Variants in CSMD1 observed in about 807,000 individuals in gnomAD.
CSMD1 encodes the protein CUB and sushi domain-containing protein 1.
CSMD1 carries 213 observed loss-of-function variants against 417.5 expected under a neutral mutation model. The observed-to-expected ratio is 0.51, with a 90% CI of 0.46 to 0.57. The LOEUF is 0.57. CSMD1 is among the 20% of genes least tolerant of loss of function. CSMD1 has a pLI of 0.00. For synonymous variants in CSMD1, 2,862 were observed against 1,736.8 expected, an observed-to-expected ratio of 1.65 and a Z score of -16.11; for missense variants, 6,923 against 4,529.7, an observed-to-expected ratio of 1.53 and a Z score of -15.17.
chr8:4,285,551 G>A (rs1797013908), intron 3 of CSMD1, among the ~76,000 whole-genome samples: 1 of 152,178 alleles, frequency 6.6e-6, no homozygotes, highest in African/African-American at 2.4e-5. Context: ...TCTCTCCATG[G>A]ATGAGGGCAG....
chr8:3,449,117 A>G (rs1016440054), intron 12 of CSMD1, among the ~76,000 whole-genome samples: 2 of 152,224 alleles, frequency 1.3e-5, no homozygotes, highest in African/African-American at 4.8e-5. Context: ...ACAAAGCAAC[A>G]TGCAAAGCAC....
At chr8:3,517,758 A>T (rs1797342900) in intron 10 of CSMD1, among the ~76,000 whole-genome samples, 1 of 152,206 alleles carries the variant, frequency 6.6e-6, no homozygotes, top group African/African-American at 2.4e-5. Flanking sequence ...AAAATGAAGA[A>T]TTCAAGGCTG....
intron 1 of CSMD1, among the ~76,000 whole-genome samples, chr8:4,706,213 T>G (rs1584972525): frequency 6.6e-6 from 1 of 151,826 alleles, no homozygotes; most frequent in East Asian, 1.9e-4. Flanking sequence ...ATTTCTAATA[T>G]CTGGCAATTG....
chr8:3,961,326 G>A (rs111247548), intron 5 of CSMD1, among the ~76,000 whole-genome samples: 1 of 152,138 alleles, frequency 6.6e-6, no homozygotes, highest in African/African-American at 2.4e-5. Context: ...TTTCAATTAA[G>A]GAAACATTTT....
intron 5 of CSMD1, among the ~76,000 whole-genome samples, chr8:3,976,506 A>G (rs930238690): frequency 6.6e-6 from 1 of 152,190 alleles, no homozygotes; most frequent in Admixed American, 6.5e-5. Flanking sequence ...CTTAATAAAT[A>G]TTTGTTGAAT....
chr8:4,580,591 T>G (rs2725067), intron 2 of CSMD1, among the ~76,000 whole-genome samples: 2 of 151,842 alleles, frequency 1.3e-5, no homozygotes, highest in Middle Eastern at 3.2e-3. Flanking sequence ...TCCTCTTCCA[T>G]CTCACCCATA....
chr8:4,093,965 A>ATAGATAGATAG (rs1800856653), intron 3 of CSMD1, among the ~76,000 whole-genome samples: 3 of 136,864 alleles, frequency 2.2e-5, no homozygotes, highest in African/African-American at 2.7e-5. Flanking sequence ...CTACATCTCA[A>ATAGATAGATAG]ATAGATAGAT....
chr8:3,739,275 G>C (rs1313727179), intron 6 of CSMD1, among the ~76,000 whole-genome samples: 6 of 152,326 alleles, frequency 3.9e-5, no homozygotes, highest in Middle Eastern at 6.8e-3. Flanking sequence ...CAAAGCTGTA[G>C]ATTGTCTTTA....
At chr8:4,539,368 G>C (rs190400042) in intron 2 of CSMD1, among the ~76,000 whole-genome samples, 1 of 152,154 alleles carries the variant, frequency 6.6e-6, no homozygotes, top group African/African-American at 2.4e-5. Flanking sequence ...CCATGGATCA[G>C]CAGGAATGTT....
At chr8:4,430,142 G>A (rs755837944) in intron 2 of CSMD1, among the ~76,000 whole-genome samples, 6 of 152,148 alleles carry the variant, frequency 3.9e-5, no homozygotes, top group Non-Finnish European at 5.9e-5. Context: ...ATTCCACAAA[G>A]CAAATCTATG....
intron 1 of CSMD1, among the ~76,000 whole-genome samples, chr8:4,642,482 G>A (rs762309686): frequency 6.6e-6 from 1 of 152,170 alleles, no homozygotes; most frequent in African/African-American, 2.4e-5. Flanking sequence ...AGTAGCAGCT[G>A]AGATGATTCA....
chr8:3,943,530 A>C (rs770969567), intron 5 of CSMD1, among the ~76,000 whole-genome samples: 29 of 152,048 alleles, frequency 1.9e-4, no homozygotes, highest in Non-Finnish European at 3.8e-4. Context: ...ATCTGTACAG[A>C]GATTCAAAGA....
At chr8:3,885,695 C>A (rs375007874) in intron 5 of CSMD1, among the ~76,000 whole-genome samples, 1 of 152,110 alleles carries the variant, frequency 6.6e-6, no homozygotes, top group Non-Finnish European at 1.5e-5. Context: ...CAGAAATGCA[C>A]GTGTGAGCTC....
chr8:4,149,012 G>A (rs1001103341), intron 3 of CSMD1, among the ~76,000 whole-genome samples: 2 of 149,572 alleles, frequency 1.3e-5, no homozygotes, highest in African/African-American at 5.0e-5. Context: ...TGCCCAGGCT[G>A]GAGTGCAGTG....
At chr8:4,047,604 G>C (rs528762892) in intron 3 of CSMD1, among the ~76,000 whole-genome samples, 3 of 152,106 alleles carry the variant, frequency 2.0e-5, no homozygotes, top group South Asian at 4.2e-4. Flanking sequence ...ATTATGTGTG[G>C]AATATTTTTC....
chr8:4,471,010 G>A (rs964121375), intron 2 of CSMD1, among the ~76,000 whole-genome samples: 4 of 152,194 alleles, frequency 2.6e-5, no homozygotes, highest in Non-Finnish European at 4.4e-5. Context: ...TTTTATGTAC[G>A]AGGATTCTAT....
intron 25 of CSMD1, among the ~76,000 whole-genome samples, chr8:3,306,956 T>A (rs1276607482): frequency 6.6e-6 from 1 of 152,182 alleles, no homozygotes; most frequent in Non-Finnish European, 1.5e-5. Flanking sequence ...CATCATTTTC[T>A]GAAATTTGCA....
At chr8:4,424,201 T>C (rs116092457) in intron 2 of CSMD1, among the ~76,000 whole-genome samples, 1 of 152,022 alleles carries the variant, frequency 6.6e-6, no homozygotes, top group African/African-American at 2.4e-5. Flanking sequence ...TTGGATTTCA[T>C]AAAAATTAAA....
At chr8:4,669,665 A>G (rs1805169026) in intron 1 of CSMD1, among the ~76,000 whole-genome samples, 1 of 152,174 alleles carries the variant, frequency 6.6e-6, no homozygotes, top group African/African-American at 2.4e-5. Flanking sequence ...ATTTTATAGT[A>G]TGAAGCTGTT....
Sources: gnomAD v4.1 joint callset for allele counts (sites outside exome capture counted in the v4.1 genomes callset) on GRCh38, gnomAD v4.1.1 for gene constraint, MANE v1.5 for transcripts, NCBI Gene and HGNC (gene_info 2026-07-23, HGNC 2026-07-21) for gene names.